Variants in AUTS2 observed in about 807,000 individuals in gnomAD.
AUTS2 encodes the protein autism susceptibility gene 2 protein.
In AUTS2, 17 loss-of-function variants were observed where a neutral mutation model predicts 112.4. The ratio of observed to expected loss-of-function variants is 0.15; its 90% CI spans 0.10 to 0.23. AUTS2 has a LOEUF of 0.23. Ranked by LOEUF, AUTS2 falls within the 10% of genes least tolerant of loss-of-function variation. The pLI, the probability that AUTS2 is intolerant of heterozygous loss-of-function variation, is 1.00. For missense variants in AUTS2, 1,510 were observed against 1,701.6 expected (o/e 0.89, Z 1.98); for synonymous variants, 751 against 702.7 (o/e 1.07, Z -1.09).
At chr7:69,995,158 G>A (rs1247504694) in intron 2 of AUTS2, among the ~76,000 whole-genome samples, 1 of 152,110 alleles carries the variant, frequency 6.6e-6, no homozygotes, top group Non-Finnish European at 1.5e-5. Flanking sequence ...TCTCAAGAGA[G>A]CAAACAAGCA....
At chr7:70,684,178 A>G (rs1808342302) in intron 5 of AUTS2, among the ~76,000 whole-genome samples, 1 of 152,118 alleles carries the variant, frequency 6.6e-6, no homozygotes. Context: ...ATTAGCATAG[A>G]TGCAGGAGTC....
chr7:70,605,773 T>C (rs1803727091), intron 5 of AUTS2, among the ~76,000 whole-genome samples: 1 of 152,202 alleles, frequency 6.6e-6, no homozygotes, highest in Admixed American at 6.5e-5. Flanking sequence ...ATTTGAGGAA[T>C]ACACACAGAC....
intron 4 of AUTS2, among the ~76,000 whole-genome samples, chr7:70,428,789 T>C (rs2130788432): frequency 6.6e-6 from 1 of 152,312 alleles, no homozygotes; most frequent in South Asian, 2.1e-4. Flanking sequence ...TATTCAATGA[T>C]TGCCACTCTG....
intron 1 of AUTS2, among the ~76,000 whole-genome samples, chr7:69,711,730 T>G (rs60651146): frequency 0.015 from 2,357 of 152,170 alleles, 73 homozygotes; most frequent in African/African-American, 0.054. Context: ...CTTACATGAG[T>G]TCTTCAATTT....
chr7:70,135,180 A>C, intron 4 of AUTS2, among the ~76,000 whole-genome samples: 1 of 152,136 alleles, frequency 6.6e-6, no homozygotes, highest in Non-Finnish European at 1.5e-5. Context: ...AGGGATTATC[A>C]CAATATTGTG....
At chr7:69,811,703 C>T (rs550142436) in intron 1 of AUTS2, among the ~76,000 whole-genome samples, 1 of 152,096 alleles carries the variant, frequency 6.6e-6, no homozygotes, top group Non-Finnish European at 1.5e-5. Flanking sequence ...CAAGCTTTTC[C>T]GCAAACCACC....
At chr7:69,937,085 G>C (rs944411818) in intron 2 of AUTS2, among the ~76,000 whole-genome samples, 2 of 152,144 alleles carry the variant, frequency 1.3e-5, no homozygotes, top group African/African-American at 4.8e-5. Context: ...GTGTGATGTG[G>C]AGTGGCCAGA....
rs1251867682 is a variant in AUTS2 at position 70,754,022 on chromosome 7, G to A, written c.743-8848G>A. 3.3e-5 allele frequency among the ~76,000 whole-genome samples: 5 copies of A among 152,042 alleles called. No homozygotes were observed. In the South Asian group the frequency reaches 6.2e-4, roughly 19 times the overall value. ...ATACAAAAAAAAAAATCAGCCAGGCGTGGTGGCGGGTGCCTGTAGTCCCAG... is the reference window on the plus strand; with the variant it reads ...ATACAAAAAAAAAAATCAGCCAGGCATGGTGGCGGGTGCCTGTAGTCCCAG... On this transcript the variant is annotated intron_variant, in intron 6 of 18. Coordinates refer to ENST00000342771, the MANE Select transcript of AUTS2 (RefSeq NM_015570.4).
chr7:70,636,496 C>T (rs548774599), intron 5 of AUTS2, among the ~76,000 whole-genome samples: 4 of 152,310 alleles, frequency 2.6e-5, no homozygotes, highest in Middle Eastern at 3.4e-3. Flanking sequence ...GACCTGCGTT[C>T]AAGTCCCCCT....
intron 1 of AUTS2, among the ~76,000 whole-genome samples, chr7:69,694,730 A>G (rs2129182193): frequency 6.6e-6 from 1 of 152,336 alleles, no homozygotes; most frequent in South Asian, 2.1e-4. Context: ...TAAAAGAAGT[A>G]ATTATAGTTG....
intron 1 of AUTS2, among the ~76,000 whole-genome samples, chr7:69,779,230 G>A (rs763056354): frequency 9.2e-5 from 14 of 151,904 alleles, no homozygotes; most frequent in Non-Finnish European, 2.1e-4. Context: ...TAGGAACACT[G>A]TTTTATTTAT....
chr7:70,258,186 T>C (rs1376885986), intron 4 of AUTS2, among the ~76,000 whole-genome samples: 1 of 152,234 alleles, frequency 6.6e-6, no homozygotes, highest in Non-Finnish European at 1.5e-5. Context: ...GGCCTAACAT[T>C]GCCTGAGACA....
intron 1 of AUTS2, among the ~76,000 whole-genome samples, chr7:69,788,161 C>T (rs1490797485): frequency 3.3e-5 from 5 of 152,144 alleles, no homozygotes; most frequent in Non-Finnish European, 5.9e-5. Context: ...CCTCAAGCCC[C>T]CAGTAAAAAA....
intron 1 of AUTS2, among the ~76,000 whole-genome samples, chr7:69,833,728 C>G (rs902015552): frequency 6.6e-6 from 1 of 152,178 alleles, no homozygotes; most frequent in Non-Finnish European, 1.5e-5. Context: ...AGCCACTGCG[C>G]CCGGCAATTA....
At chr7:70,677,189 C>A (rs1015267262) in intron 5 of AUTS2, among the ~76,000 whole-genome samples, 3 of 152,170 alleles carry the variant, frequency 2.0e-5, no homozygotes, top group Non-Finnish European at 4.4e-5. Flanking sequence ...CCTTCCCCAG[C>A]GCAGTAAACG....
chr7:70,264,205 T>TTTTG (rs777459278), intron 4 of AUTS2, among the ~76,000 whole-genome samples: 2 of 152,138 alleles, frequency 1.3e-5, no homozygotes, highest in Non-Finnish European at 2.9e-5. Flanking sequence ...TTAGCATTCT[T>TTTTG]TTTGTTTGTT....
At chr7:69,857,982 T>C (rs1355707628) in intron 1 of AUTS2, among the ~76,000 whole-genome samples, 1 of 152,188 alleles carries the variant, frequency 6.6e-6, no homozygotes, top group Non-Finnish European at 1.5e-5. Flanking sequence ...ATGGGCAGTC[T>C]GATGGCACCT....
intron 4 of AUTS2, among the ~76,000 whole-genome samples, chr7:70,303,434 G>GTGCACACACA (rs1554361424): frequency 2.8e-5 from 4 of 141,948 alleles, no homozygotes; most frequent in Admixed American, 1.4e-4. Context: ...GCGCGCGCGC[G>GTGCACACACA]CACATACACA....
chr7:69,801,243 A>G (rs1334186151), intron 1 of AUTS2, among the ~76,000 whole-genome samples: 4 of 150,316 alleles, frequency 2.7e-5, no homozygotes, highest in Admixed American at 2.0e-4. Context: ...CAATTTCAGC[A>G]TTGGTAATTA....
Sources: allele counts gnomAD v4.1 joint callset (sites outside exome capture counted in the v4.1 genomes callset), GRCh38; gene constraint gnomAD v4.1.1; transcripts MANE v1.5; gene names NCBI Gene and HGNC (gene_info 2026-07-23, HGNC 2026-07-21).